The following STRN3 variants were observed in gnomAD, a reference collection of about 807,000 sequenced individuals.
The protein encoded by STRN3 is striatin 3.
A neutral mutation model predicts 95.6 loss-of-function variants in STRN3; 29 were observed. The observed-to-expected ratio is 0.30, with a 90% CI of 0.23 to 0.41. STRN3 has a LOEUF of 0.41. STRN3 is among the 10% of genes least tolerant of loss of function. The pLI, the probability that STRN3 is intolerant of heterozygous loss-of-function variation, is 1.00. For synonymous variants in STRN3, 331 were observed against 357.6 expected (o/e 0.93, Z 0.84); for missense variants, 890 against 972.1 (o/e 0.92, Z 1.12).
At chr14:31,018,412 A>C (rs942484676) in intron 1 of STRN3, 1 of 372,414 alleles carries the variant, frequency 2.7e-6, no homozygotes, top group African/African-American at 2.1e-5. Flanking sequence ...TGTGACAAGC[A>C]AGCGAACTTT....
intron 1 of STRN3, among the ~76,000 whole-genome samples, chr14:31,023,267 A>T (rs535119175): frequency 2.0e-5 from 3 of 152,176 alleles, no homozygotes; most frequent in East Asian, 3.8e-4. Flanking sequence ...CATGTTATAT[A>T]AAAGTTAAGA....
intron 1 of STRN3, among the ~76,000 whole-genome samples, chr14:30,979,507 T>C (rs1032592879): frequency 1.4e-4 from 22 of 152,246 alleles, no homozygotes; most frequent in African/African-American, 5.3e-4. Context: ...GTTGATAATT[T>C]AGGGTAACAA....
chr14:30,966,632 C>T (rs769389402), intron 1 of STRN3, among the ~76,000 whole-genome samples: 11 of 152,222 alleles, frequency 7.2e-5, no homozygotes, highest in Non-Finnish European at 1.3e-4. Flanking sequence ...AAGGAGAAGC[C>T]GCAGGAGCTG....
intron 16 of STRN3, among the ~76,000 whole-genome samples, chr14:30,898,765 T>G (rs1376887932): frequency 6.6e-6 from 1 of 152,348 alleles, no homozygotes; most frequent in East Asian, 1.9e-4. Flanking sequence ...TTTTTTCCTC[T>G]TATGACTAAG....
intron 15 of STRN3, among the ~76,000 whole-genome samples, chr14:30,904,099 C>G (rs1896398270): frequency 6.6e-6 from 1 of 152,204 alleles, no homozygotes; most frequent in South Asian, 2.1e-4. Context: ...ATCAACTCAA[C>G]AGCCTAGTAC....
At chr14:30,956,117 T>C (rs748610125) in intron 2 of STRN3, 22 bp downstream of exon 2, 53 of 1,591,090 alleles carry the variant, frequency 3.3e-5, no homozygotes, top group Non-Finnish European at 4.5e-5. Flanking sequence ...TTTATTCATG[T>C]AACAAAATGA....
At chr14:30,898,861 G>A (rs969363268) in intron 16 of STRN3, among the ~76,000 whole-genome samples, 1 of 152,156 alleles carries the variant, frequency 6.6e-6, no homozygotes, top group Non-Finnish European at 1.5e-5. Context: ...AACACTGTGG[G>A]CCTCTATTAA....
intron 1 of STRN3, among the ~76,000 whole-genome samples, chr14:31,022,203 C>A (rs1317093395): frequency 8.6e-5 from 13 of 151,950 alleles, no homozygotes; most frequent in Admixed American, 8.5e-4. Context: ...CACGGTGAAA[C>A]CCCATTTCTA....
intron 1 of STRN3, among the ~76,000 whole-genome samples, chr14:30,969,174 G>A (rs1221529745): frequency 3.3e-5 from 5 of 152,148 alleles, no homozygotes; most frequent in South Asian, 2.1e-4. Context: ...AGTGGCTCAC[G>A]CCTGTAATCC....
rs986263044 is a variant in STRN3 at position 31,026,257 on chromosome 14, C to T, written c.-72G>A. 23 of 1,332,218 alleles carry T rather than the reference C, an allele frequency of 1.7e-5. No homozygotes were observed. Among genetic ancestry groups the T allele is most frequent in the Non-Finnish European group, 2.0e-5 (21 of 1,045,314 alleles). 82.5% of individuals were successfully genotyped at this position (1,332,218 alleles called of 1,614,324 possible). On this transcript the variant is annotated 5_prime_UTR_variant, in exon 1 of 18. Transcript: ENST00000357479. ...GGGGGAAGGGCCGGAGAGGGTGGCC[C>T]CGCGCTGGCTGCGGGGCGGAGGCCG...
chr14:30,956,107 T>C, intron 2 of STRN3, 32 bp downstream of exon 2: 6 of 1,581,250 alleles, frequency 3.8e-6, no homozygotes, highest in Non-Finnish European at 5.2e-6. Context: ...ATTGTTCTAC[T>C]TTATTCATGT....
chr14:30,946,220 C>T (rs974175153), intron 5 of STRN3, among the ~76,000 whole-genome samples: 1 of 152,114 alleles, frequency 6.6e-6, no homozygotes, highest in African/African-American at 2.4e-5. Context: ...GATTCTGCAC[C>T]TATTTCGAAC....
rs368850444 is a variant in STRN3 at position 31,026,258 on chromosome 14, C to G, written c.-73G>C. 3.2e-5 allele frequency: 42 copies of G among 1,327,288 alleles called. No individual in the cohort carries two copies. In the African/African-American group the frequency reaches 4.7e-4, roughly 15 times the overall value. The allele number at this position is 1,327,288 out of a possible 1,614,324, so 82.2% of individuals were successfully genotyped here. A position where few individuals can be genotyped will look rare whatever the true frequency, so the allele number is the denominator to read the frequency against. ...GGGGAAGGGCCGGAGAGGGTGGCCC[C>G]GCGCTGGCTGCGGGGCGGAGGCCGG... is the stretch of plus-strand genomic sequence containing the variant. On this transcript the variant is annotated 5_prime_UTR_variant, in exon 1 of 18. Transcript: ENST00000357479.
At chr14:30,986,754 C>T (rs1201796213) in intron 1 of STRN3, among the ~76,000 whole-genome samples, 1 of 152,130 alleles carries the variant, frequency 6.6e-6, no homozygotes, top group East Asian at 1.9e-4. Context: ...TTCATTTTGG[C>T]TCACACCTAC....
chr14:30,915,182 A>G (rs1594429861), intron 9 of STRN3, among the ~76,000 whole-genome samples: 2 of 152,336 alleles, frequency 1.3e-5, no homozygotes, highest in South Asian at 4.1e-4. Flanking sequence ...ATGAAAAATG[A>G]TATAAATATG....
intron 1 of STRN3, among the ~76,000 whole-genome samples, chr14:31,014,062 T>C (rs1883121146): frequency 6.6e-6 from 1 of 151,768 alleles, no homozygotes; most frequent in Non-Finnish European, 1.5e-5. Context: ...CACCATTGTG[T>C]CCAGCTAATT....
intron 11 of STRN3, 49 bp downstream of exon 11, chr14:30,911,958 T>C: frequency 6.3e-7 from 1 of 1,583,716 alleles, no homozygotes; most frequent in African/African-American, 1.4e-5. Context: ...TAATTACTTA[T>C]ATTAGCAAAA....
intron 1 of STRN3, among the ~76,000 whole-genome samples, chr14:30,985,764 C>A (rs543817956): frequency 6.6e-6 from 1 of 152,258 alleles, no homozygotes; most frequent in African/African-American, 2.4e-5. Context: ...AGAAATATAT[C>A]TTTTGCTAAC....
At chr14:30,940,222 C>A (rs1303800985) in intron 5 of STRN3, among the ~76,000 whole-genome samples, 1 of 152,166 alleles carries the variant, frequency 6.6e-6, no homozygotes, top group Non-Finnish European at 1.5e-5. Context: ...TCCAGGCCCA[C>A]TGCACAACTG....
Sources: gnomAD v4.1 joint callset for allele counts (sites outside exome capture counted in the v4.1 genomes callset) on GRCh38, gnomAD v4.1.1 for gene constraint, MANE v1.5 for transcripts, NCBI Gene and HGNC (gene_info 2026-07-23, HGNC 2026-07-21) for gene names.